Variants in TUB observed in about 807,000 individuals in gnomAD.
The protein encoded by TUB is tubby protein homolog.
Under a neutral mutation model 59.7 loss-of-function variants are expected in TUB, and 33 were observed. The observed-to-expected ratio is 0.55, with a 90% CI of 0.42 to 0.74. The LOEUF (loss-of-function observed/expected upper bound fraction) is 0.74. Among genes scored for constraint, TUB ranks in the 30% least tolerant of loss-of-function variants. The pLI is 0.00. For synonymous variants in TUB, 293 were observed against 256.4 expected (o/e 1.14, Z -1.36); for missense variants, 659 against 672.0 (o/e 0.98, Z 0.21).
At chr11:8,070,753 G>A (rs577305154) in intron 2 of TUB, among the ~76,000 whole-genome samples, 87 of 152,320 alleles carry the variant, frequency 5.7e-4, no homozygotes, top group African/African-American at 1.9e-3. Context: ...CCAAAAGTCT[G>A]CAAAGGTGGA....
intron 1 of TUB, among the ~76,000 whole-genome samples, chr11:8,085,703 G>T (rs770006941): frequency 6.6e-6 from 1 of 152,214 alleles, no homozygotes; most frequent in Non-Finnish European, 1.5e-5. Context: ...GTGGCCAGAG[G>T]GTTGGGTCTG....
upstream of TUB, among the ~76,000 whole-genome samples, chr11:8,078,803 A>G (rs1943492210): frequency 6.6e-6 from 1 of 152,020 alleles, no homozygotes; most frequent in Admixed American, 6.5e-5. Flanking sequence ...ACTGGCACAC[A>G]GTCCCTTGTG....
intron 2 of TUB, among the ~76,000 whole-genome samples, chr11:8,073,372 G>A (rs531982072): frequency 3.3e-5 from 5 of 152,328 alleles, no homozygotes; most frequent in African/African-American, 1.2e-4. Context: ...AGATTGGTTT[G>A]TGAATTCAGA....
At chr11:8,026,374 G>A (rs1002424552) in intron 1 of TUB, among the ~76,000 whole-genome samples, 5 of 150,538 alleles carry the variant, frequency 3.3e-5, no homozygotes, top group Non-Finnish European at 7.4e-5. Context: ...CCTACTTTGC[G>A]GTGACAAAGG....
intron 3 of TUB, among the ~76,000 whole-genome samples, chr11:8,092,290 A>G (rs971602243): frequency 6.6e-6 from 1 of 152,060 alleles, no homozygotes; most frequent in African/African-American, 2.4e-5. Flanking sequence ...AAAAGTGAGC[A>G]GGGTGTGGTG....
At chr11:8,076,200 A>G (rs1248643936) in intron 2 of TUB, 1 of 152,056 alleles carries the variant, frequency 6.6e-6, no homozygotes, top group Non-Finnish European at 1.5e-5. Flanking sequence ...TGCCCTGCAA[A>G]CCAGGGAGCA....
At chr11:8,062,597 G>A in intron 2 of TUB, among the ~76,000 whole-genome samples, 1 of 152,026 alleles carries the variant, frequency 6.6e-6, no homozygotes, top group East Asian at 1.9e-4. Context: ...AGAGCCTTTT[G>A]AACCCAAGAC....
At chr11:8,063,845 T>C (rs1170958895) in intron 2 of TUB, among the ~76,000 whole-genome samples, 1 of 152,262 alleles carries the variant, frequency 6.6e-6, no homozygotes, top group African/African-American at 2.4e-5. Flanking sequence ...AGCCCTCCAG[T>C]ATAAAGGTTC....
chr11:8,094,912 C>A (rs967495308), intron 4 of TUB, among the ~76,000 whole-genome samples: 1 of 152,192 alleles, frequency 6.6e-6, no homozygotes, highest in African/African-American at 2.4e-5. Flanking sequence ...GTGGCTGCCA[C>A]CTGTGTGGGT....
intron 1 of TUB, among the ~76,000 whole-genome samples, chr11:8,031,509 G>A (rs569597396): frequency 6.6e-6 from 1 of 152,258 alleles, no homozygotes; most frequent in African/African-American, 2.4e-5. Context: ...GAGCTGTGGT[G>A]GGGTAGAGGA....
chr11:8,075,952 T>C (rs753285373), intron 2 of TUB: 1 of 152,316 alleles, frequency 6.6e-6, no homozygotes, highest in Non-Finnish European at 1.5e-5. Flanking sequence ...GGGCTGTTTT[T>C]GTGGGTTGGT....
rs761317733 is a variant in TUB at position 8,081,555 on chromosome 11, G to A, written c.38+7G>A. 6.5e-6 allele frequency: 10 copies of A among 1,541,060 alleles called. No homozygotes were observed. The highest frequency in any genetic ancestry group is 8.7e-6 in the Non-Finnish European group (10 of 1,149,104). On this transcript the variant is annotated splice_region_variant and intron_variant, in intron 1 of 11. Transcript: ENST00000299506. ...CCGACTGGATTCCCTACAGGTACGC[G>A]GGCGCCGGGCCGGGGCGCCCACCAC...
chr11:8,057,548 C>G (rs555244068), intron 2 of TUB, among the ~76,000 whole-genome samples: 1 of 152,172 alleles, frequency 6.6e-6, no homozygotes, highest in Non-Finnish European at 1.5e-5. Context: ...AACTAAGATT[C>G]GAGTCCTGAA....
intron 2 of TUB, among the ~76,000 whole-genome samples, chr11:8,051,891 A>G (rs1942940420): frequency 6.6e-6 from 1 of 152,238 alleles, no homozygotes; most frequent in Non-Finnish European, 1.5e-5. Context: ...TATTTGCCCC[A>G]AATGGATAGC....
intron 2 of TUB, among the ~76,000 whole-genome samples, chr11:8,044,966 G>A (rs531734845): frequency 2.0e-5 from 3 of 152,158 alleles, no homozygotes; most frequent in African/African-American, 4.8e-5. Flanking sequence ...CCAGCACCCC[G>A]ATATGTTTAC....
At chr11:8,055,762 G>A (rs1031056204) in intron 2 of TUB, among the ~76,000 whole-genome samples, 2 of 152,218 alleles carry the variant, frequency 1.3e-5, no homozygotes, top group South Asian at 4.1e-4. Context: ...CTCTGCCACC[G>A]CCTCAGTCTG....
At chr11:8,058,003 A>G (rs1807131857) in intron 2 of TUB, among the ~76,000 whole-genome samples, 1 of 152,060 alleles carries the variant, frequency 6.6e-6, no homozygotes, top group Admixed American at 6.5e-5. Flanking sequence ...TGAGGCCAGG[A>G]GTTCGAGACC....
chr11:8,097,284 C>T lies in TUB; in HGVS notation c.744C>T (p.Val248=), dbSNP rs145901970. 12 of 1,614,046 alleles carry T rather than the reference C, an allele frequency of 7.4e-6. No individual in the cohort carries two copies. Among genetic ancestry groups the T allele is most frequent in the Admixed American group, 1.7e-5 (1 of 60,004 alleles). ...CAGAGCAACCAGTGGACGTTGAGGT[C>T]CAGGATCTTGAGGAGTTTGCACTGA... ...TAPEQPVDVE[V]QDLEEFALRP... is the part of the protein sequence containing the mutation. Residue 248 remains valine, a synonymous_variant, in exon 7 of 12, where the codon GTC becomes GTT. Transcript: ENST00000299506.
intron 6 of TUB, 48 bp from the exon 7 acceptor site, chr11:8,097,180 G>A: frequency 6.2e-7 from 1 of 1,602,110 alleles, no homozygotes; most frequent in Non-Finnish European, 8.5e-7. Context: ...ACCAATTTGG[G>A]CTGCTTAGGG....
Sources: allele counts gnomAD v4.1 joint callset (sites outside exome capture counted in the v4.1 genomes callset), GRCh38; gene constraint gnomAD v4.1.1; transcripts MANE v1.5; gene names NCBI Gene and HGNC (gene_info 2026-07-23, HGNC 2026-07-21).